Variants in EBPL observed in about 807,000 individuals in gnomAD.
EBPL encodes the protein emopamil-binding protein-like.
EBPL carries 20 observed loss-of-function variants against 19.0 expected under a neutral mutation model. The observed-to-expected ratio is 1.05, with a 90% CI of 0.74 to 1.53. EBPL has a LOEUF of 1.53. EBPL is among the 40% of genes most tolerant of loss of function. EBPL has a pLI of 0.00. For synonymous variants in EBPL, 107 were observed against 117.0 expected, an observed-to-expected ratio of 0.91 and a Z score of 0.55; for missense variants, 219 against 261.1, an observed-to-expected ratio of 0.84 and a Z score of 1.11.
At chr13:49,669,092 G>A in intron 2 of EBPL, among the ~76,000 whole-genome samples, 1 of 152,092 alleles carries the variant, frequency 6.6e-6, no homozygotes, top group African/African-American at 2.4e-5. Context: ...TGTTAGCCAG[G>A]ATAGTCTCCA....
Position 49,665,132 on chromosome 13 carries a change from A to G in EBPL, c.242-1937T>C, listed in dbSNP as rs1450127021. The stretch of plus-strand genomic sequence containing the variant: ...CCAAGTCTTTTTTTTTTTTTTTTTG[A>G]GAAGGAGTCTCACTGTTACCCAGCC... On this transcript the variant is annotated intron_variant, in intron 2 of 3. Coordinates refer to ENST00000242827, the MANE Select transcript of EBPL (RefSeq NM_032565.5). 7.2e-5 allele frequency among the ~76,000 whole-genome samples: 8 copies of G among 110,672 alleles called. No homozygotes were observed. The East Asian group carries it at 2.4e-3, about 34-fold the overall frequency. 72.6% of individuals were successfully genotyped at this position (110,672 alleles called of 152,430 possible). A position where few individuals can be genotyped will look rare whatever the true frequency, so the allele number is the denominator to read the frequency against.
At chr13:49,686,091 G>A (rs74077708) in intron 1 of EBPL, among the ~76,000 whole-genome samples, 1,615 of 152,332 alleles carry the variant, frequency 0.011, 27 homozygotes, top group African/African-American at 0.037. Context: ...GCTTCACCCT[G>A]CAGGACAAGG....
intron 3 of EBPL, among the ~76,000 whole-genome samples, chr13:49,662,232 G>A (rs9535285): frequency 6.6e-6 from 1 of 152,094 alleles, no homozygotes; most frequent in African/African-American, 2.4e-5. Context: ...TTCTGATCTC[G>A]TGATCCACCT....
In EBPL at chr13:49,669,825, A is replaced by G. The variant is rs904694404; in HGVS notation, c.193T>C (p.Ser65Pro). The G allele has an allele frequency of 1.4e-5, 22 of 1,614,072 alleles. No homozygotes were observed. The highest frequency in any genetic ancestry group is 1.2e-4 in the Admixed American group (7 of 60,020). The change falls in exon 2 of 4, where the codon TCT (serine) becomes CCT (proline). Residue 65 changes from serine to proline, a missense_variant. Ser to Pro is a moderately conservative substitution (Grantham distance 74). Coordinates refer to ENST00000242827, the MANE Select transcript of EBPL (RefSeq NM_032565.5). ...GAATTTGCAACGTTTCCTACTAAAG[A>G]CAAGTAGACAAAAGGGCCTTCCTAG... ...FALEGPFVYL[S>P]LVGNVANSDG...
chr13:49,674,865 C>T (rs1953859496), intron 1 of EBPL, among the ~76,000 whole-genome samples: 1 of 152,132 alleles, frequency 6.6e-6, no homozygotes, highest in Non-Finnish European at 1.5e-5. Context: ...CAGTAGTGCT[C>T]AGGGGTACTG....
At chr13:49,674,571 T>C (rs9568302) in intron 1 of EBPL, among the ~76,000 whole-genome samples, 1 of 145,366 alleles carries the variant, frequency 6.9e-6, no homozygotes, top group East Asian at 2.1e-4. Flanking sequence ...AAGAGTACCA[T>C]GACTAAATGA....
intron 1 of EBPL, among the ~76,000 whole-genome samples, chr13:49,682,145 T>A (rs1015784002): frequency 6.6e-6 from 1 of 152,146 alleles, no homozygotes; most frequent in Non-Finnish European, 1.5e-5. Context: ...TTCCACTTGA[T>A]TGAACCTGCC....
rs146203863 is a variant in EBPL, at chr13:49,688,975, G to T, written c.171+2279C>A. On this transcript the variant is annotated intron_variant, in intron 1 of 3. Coordinates refer to ENST00000242827, the MANE Select transcript of EBPL (RefSeq NM_032565.5). ...CACATGTACAAAGACGTTGGTAGAT[G>T]CATTGTTTGTAATGACAGAAAAATG... Among the ~76,000 whole-genome samples the T allele has an allele frequency of 1.4e-4, 21 of 152,322 alleles. No individual in the cohort carries two copies. The East Asian group carries it at 3.1e-3, about 22-fold the overall frequency.
chr13:49,664,579 A>T (rs1965199470), intron 2 of EBPL, among the ~76,000 whole-genome samples: 1 of 152,232 alleles, frequency 6.6e-6, no homozygotes, highest in African/African-American at 2.4e-5. Context: ...TACTTTCTTA[A>T]TTTGTAAAAG....
intron 1 of EBPL, among the ~76,000 whole-genome samples, chr13:49,672,419 TACA>T (rs1484953425): frequency 6.6e-6 from 1 of 152,244 alleles, no homozygotes; most frequent in African/African-American, 2.4e-5. Flanking sequence ...AGTGCCCTCC[TACA>T]CAGAAACTTG....
At chr13:49,678,491 G>A (rs1049433145) in intron 1 of EBPL, among the ~76,000 whole-genome samples, 2 of 152,198 alleles carry the variant, frequency 1.3e-5, no homozygotes, top group Admixed American at 1.3e-4. Flanking sequence ...GAATTCGAGC[G>A]CAGCGCGGAC....
At chr13:49,683,264 C>T (rs368365979) in intron 1 of EBPL, among the ~76,000 whole-genome samples, 3 of 152,032 alleles carry the variant, frequency 2.0e-5, no homozygotes, top group Non-Finnish European at 4.4e-5. Flanking sequence ...CCTGAGCTCA[C>T]GCCTGTAATC....
At chr13:49,686,940 C>A (rs112115294) in intron 1 of EBPL, among the ~76,000 whole-genome samples, 7,686 of 152,240 alleles carry the variant, frequency 0.05, 311 homozygotes, top group Non-Finnish European at 0.081. Flanking sequence ...GGATCACAGG[C>A]ATGCAGCACC....
At chr13:49,667,032 C>T (rs1049327732) in intron 2 of EBPL, among the ~76,000 whole-genome samples, 1 of 151,998 alleles carries the variant, frequency 6.6e-6, no homozygotes, top group Non-Finnish European at 1.5e-5. Context: ...TGAGAGGTAG[C>T]GTGTCTGAAT....
chr13:49,684,397 G>T (rs191328889), intron 1 of EBPL, among the ~76,000 whole-genome samples: 2 of 152,354 alleles, frequency 1.3e-5, no homozygotes, highest in East Asian at 1.9e-4. Context: ...GAGGCCAGGC[G>T]TAGTGGCTCA....
chr13:49,666,726 A>AC (rs1453181349), intron 2 of EBPL, among the ~76,000 whole-genome samples: 2 of 150,406 alleles, frequency 1.3e-5, no homozygotes, highest in South Asian at 4.2e-4. Flanking sequence ...AAAAAAAAAA[A>AC]AAAAAAAACA....
intron 1 of EBPL, among the ~76,000 whole-genome samples, chr13:49,680,262 G>A (rs942275733): frequency 4.6e-5 from 7 of 152,194 alleles, no homozygotes; most frequent in Admixed American, 4.6e-4. Context: ...TCATTTCTAT[G>A]ATAACATGAA....
chr13:49,671,701 G>A (rs540342947), intron 1 of EBPL, among the ~76,000 whole-genome samples: 1 of 152,288 alleles, frequency 6.6e-6, no homozygotes, highest in Admixed American at 6.5e-5. Flanking sequence ...TAGGCCTCAG[G>A]CCATCTATCT....
chr13:49,669,847 C>T lies in EBPL; in HGVS notation c.172-1G>A. ...AAGACAAGTAGACAAAAGGGCCTTC[C>T]TAGAGAGGAGAAAATGAAGACATGC... On this transcript the variant is annotated splice_acceptor_variant, in intron 1 of 3. Transcript: ENST00000242827. LOFTEE classifies it high-confidence loss of function. 2 of 1,612,566 alleles carry T rather than the reference C, an allele frequency of 1.2e-6. No homozygotes were observed. Among genetic ancestry groups the T allele is most frequent in the Non-Finnish European group, 1.7e-6 (2 of 1,178,808 alleles).
Sources: allele counts gnomAD v4.1 joint callset (sites outside exome capture counted in the v4.1 genomes callset), GRCh38; gene constraint gnomAD v4.1.1; transcripts MANE v1.5; gene names NCBI Gene and HGNC (gene_info 2026-07-23, HGNC 2026-07-21).